Variants in CEMIP observed in about 807,000 individuals in gnomAD.
CEMIP encodes cell migration inducing hyaluronidase 1, also known as cell migration-inducing and hyaluronan-binding protein.
In CEMIP, 105 loss-of-function variants were observed where a neutral mutation model predicts 156.9. The ratio of observed to expected loss-of-function variants is 0.67; its 90% CI spans 0.57 to 0.79. The LOEUF is 0.79. CEMIP is among the 30% of genes least tolerant of loss of function. CEMIP has a pLI of 0.00. For missense variants in CEMIP, 1,457 were observed against 1,769.4 expected (o/e 0.82, Z 3.17); for synonymous variants, 676 against 668.4 (o/e 1.01, Z -0.17).
chr15:80,934,471 T>C (rs1320595243), intron 23 of CEMIP, among the ~76,000 whole-genome samples: 2 of 152,198 alleles, frequency 1.3e-5, no homozygotes, highest in Non-Finnish European at 2.9e-5. Flanking sequence ...GATGAATGAC[T>C]AATGAATAAA....
intron 14 of CEMIP, chr15:80,909,578 G>C: frequency 1.9e-6 from 1 of 535,578 alleles, no homozygotes; most frequent in South Asian, 1.5e-5. Context: ...TACTTCATTG[G>C]CATCACATGA....
chr15:80,847,137 C>T (rs1240536653), intron 1 of CEMIP, among the ~76,000 whole-genome samples: 1 of 152,168 alleles, frequency 6.6e-6, no homozygotes, highest in Non-Finnish European at 1.5e-5. Flanking sequence ...AAGCCTTGAC[C>T]TCCCCAGCTC....
intron 5 of CEMIP, among the ~76,000 whole-genome samples, chr15:80,880,264 T>A (rs931226512): frequency 5.9e-5 from 9 of 152,214 alleles, no homozygotes; most frequent in Non-Finnish European, 4.4e-5. Context: ...TGCACAAGGA[T>A]ATGCAGCGCA....
chr15:80,878,953 T>C (rs1458576065), intron 4 of CEMIP, 86 bp downstream of exon 4: 2 of 1,513,706 alleles, frequency 1.3e-6, no homozygotes, highest in East Asian at 2.3e-5. Flanking sequence ...TGAGCTCAGA[T>C]GGACAGAATA....
rs939217333 is a variant in CEMIP at position 80,950,512 on chromosome 15, G to T, written c.*1588G>T. ...TGGCGGTCCCTGTGGCCTTCACTTT[G>T]TTCACTACCTGTCAGCCCAGCCTGG... On this transcript the variant is annotated 3_prime_UTR_variant, in exon 30 of 30. Transcript: ENST00000394685. The T allele has an allele frequency of 1.3e-5, 2 of 152,288 alleles. No individual in the cohort carries two copies. Among genetic ancestry groups the T allele is most frequent in the Non-Finnish European group, 2.9e-5 (2 of 68,096 alleles). 9.4% of individuals were successfully genotyped at this position (152,288 alleles called of 1,614,324 possible).
At chr15:80,889,329 C>A in intron 9 of CEMIP, 142 bp from the exon 10 acceptor site, 1 of 1,099,902 alleles carries the variant, frequency 9.1e-7, no homozygotes, top group Non-Finnish European at 1.4e-6. Context: ...TTGATTAGAG[C>A]CATCCATGCC....
At chr15:80,800,368 G>A (rs1896345599) in intron 1 of CEMIP, among the ~76,000 whole-genome samples, 2 of 152,082 alleles carry the variant, frequency 1.3e-5, no homozygotes, top group Non-Finnish European at 2.9e-5. Flanking sequence ...GAGTCTCAGG[G>A]CCTATTGCAG....
intron 6 of CEMIP, among the ~76,000 whole-genome samples, chr15:80,882,708 C>T (rs911211625): frequency 3.9e-5 from 6 of 152,014 alleles, no homozygotes; most frequent in African/African-American, 1.5e-4. Context: ...TCTCAATAAT[C>T]TGATAGATGA....
At position 80,887,787 on chromosome 15, in the gene CEMIP, C is replaced by G; in HGVS notation, c.868+23C>G. ...ATGGTAATACATAGCTGGCTGGAGGCCTGATTCCCTCCAGTGTCTCTCTGA... is the reference window on the plus strand; with the variant it reads ...ATGGTAATACATAGCTGGCTGGAGGGCTGATTCCCTCCAGTGTCTCTCTGA... On this transcript the variant is annotated intron_variant, in intron 8 of 29. Transcript: ENST00000394685. The G allele has an allele frequency of 2.6e-6, 4 of 1,564,634 alleles. No homozygotes were observed. In the South Asian group the frequency reaches 4.4e-5, roughly 17 times the overall value.
At chr15:80,792,645 G>A (rs568623536) in intron 1 of CEMIP, among the ~76,000 whole-genome samples, 2 of 152,292 alleles carry the variant, frequency 1.3e-5, no homozygotes, top group Non-Finnish European at 2.9e-5. Context: ...GATTGAATTA[G>A]CAGACACTGT....
intron 1 of CEMIP, among the ~76,000 whole-genome samples, chr15:80,805,269 A>G (rs1567053470): frequency 6.6e-6 from 1 of 152,190 alleles, no homozygotes; most frequent in African/African-American, 2.4e-5. Context: ...TCAGGTCCGA[A>G]GCAAAAGGAA....
rs1899789820 is a variant in CEMIP at position 80,906,091 on chromosome 15, T to C, written c.1412-572T>C. Among the ~76,000 whole-genome samples, 1 of 152,276 alleles carries C rather than the reference T, an allele frequency of 6.6e-6. No individual in the cohort carries two copies. The highest frequency in any genetic ancestry group is 6.5e-5 in the Admixed American group (1 of 15,290). ...TTAACAGATTATGAATTTGCACTGC[T>C]GTAAAGCAGGGGCTTTAAAGACAGA... On this transcript the variant is annotated intron_variant, in intron 12 of 29. Transcript: ENST00000394685. This position sits in a 1 kb window ranked among gnomAD's most constrained non-coding sequence, Gnocchi z 4.3.
chr15:80,806,701 G>A (rs74601194), intron 1 of CEMIP, among the ~76,000 whole-genome samples: 8,699 of 152,250 alleles, frequency 0.057, 288 homozygotes, highest in Middle Eastern at 0.12. Flanking sequence ...TAGATTATAA[G>A]CTCCAGAAGA....
intron 27 of CEMIP, among the ~76,000 whole-genome samples, chr15:80,942,677 C>A (rs1196787923): frequency 1.3e-5 from 2 of 152,170 alleles, no homozygotes; most frequent in Admixed American, 6.5e-5. Flanking sequence ...AAGGTTTAAT[C>A]AAAAAATCTT....
intron 3 of CEMIP, among the ~76,000 whole-genome samples, 179 bp from the exon 4 acceptor site, chr15:80,878,542 C>T (rs1016111913): frequency 6.6e-6 from 1 of 152,204 alleles, no homozygotes; most frequent in Non-Finnish European, 1.5e-5. Flanking sequence ...TATGACTGGT[C>T]CCCATGGTTC....
At chr15:80,835,775 C>T (rs1897258610) in intron 1 of CEMIP, among the ~76,000 whole-genome samples, 1 of 152,196 alleles carries the variant, frequency 6.6e-6, no homozygotes, top group Admixed American at 6.5e-5. Flanking sequence ...GTGCTATGAT[C>T]ATCCACAGTC....
Position 80,857,485 on chromosome 15 carries a change from G to A in CEMIP, c.-175-16053G>A, listed in dbSNP as rs138963719. 5.3e-3 allele frequency among the ~76,000 whole-genome samples: 811 copies of A among 152,278 alleles called. 12 individuals carry two copies. The highest frequency in any genetic ancestry group is 0.015 in the African/African-American group (618 of 41,558). ...CTTCCCAGGGGAAAGGAAGGAGAAT[G>A]GAAAGAGATGCACAGAAGCCAGCAG... On this transcript the variant is annotated intron_variant, in intron 1 of 29. Coordinates refer to ENST00000394685, the MANE Select transcript of CEMIP (RefSeq NM_001293298.2).
intron 3 of CEMIP, 67 bp downstream of exon 3, chr15:80,874,040 G>A (rs1332068175): frequency 2.8e-6 from 4 of 1,442,312 alleles, no homozygotes; most frequent in Non-Finnish European, 3.8e-6. Context: ...ACTGGAGCAA[G>A]GCTGCTTTTG....
In CEMIP at chr15:80,937,914, G is replaced by A. The variant is rs778968550; in HGVS notation, c.3342G>A (p.Leu1114=). The change falls in exon 25 of 30, where the codon TTG becomes TTA. Residue 1114 remains leucine, a synonymous_variant. Transcript: ENST00000394685. ...AGACGGGCGTCTTCGTGAGGACCTT[G>A]CAGATGGACAAAGTGGAGCAGAGCT... The part of the protein sequence containing the change: ...TSKTGVFVRT[L]QMDKVEQSYP... The A allele has an allele frequency of 1.2e-6, 2 of 1,614,086 alleles. No homozygotes were observed. The highest frequency in any genetic ancestry group is 1.7e-5 in the Admixed American group (1 of 60,008).
Sources: allele counts gnomAD v4.1 joint callset (sites outside exome capture counted in the v4.1 genomes callset), GRCh38; gene constraint gnomAD v4.1.1; non-coding constraint Gnocchi (gnomAD v3.1); transcripts MANE v1.5; gene names NCBI Gene and HGNC (gene_info 2026-07-23, HGNC 2026-07-21).